SLC25A13: variants seen among roughly 807,000 people sequenced by gnomAD.
The protein encoded by SLC25A13 is electrogenic aspartate/glutamate antiporter SLC25A13, mitochondrial.
A neutral mutation model predicts 85.5 loss-of-function variants in SLC25A13; 70 were observed. That is an observed-to-expected ratio of 0.82 (90% CI 0.68 to 1.00). SLC25A13 has a LOEUF of 1.00. Among genes scored for constraint, SLC25A13 ranks in the 50% least tolerant of loss-of-function variants. SLC25A13 has a pLI of 0.00. For synonymous variants in SLC25A13, 259 were observed against 288.7 expected, an observed-to-expected ratio of 0.90 and a Z score of 1.04; for missense variants, 765 against 819.8, an observed-to-expected ratio of 0.93 and a Z score of 0.82.
intron 4 of SLC25A13, among the ~76,000 whole-genome samples, chr7:96,213,073 C>T (rs560011951): frequency 1.3e-5 from 2 of 152,250 alleles, no homozygotes; most frequent in African/African-American, 4.8e-5. Flanking sequence ...CTGGAAAACT[C>T]ACACATTTTC....
At chr7:96,286,775 C>G (rs1798906447) in intron 2 of SLC25A13, among the ~76,000 whole-genome samples, 1 of 152,182 alleles carries the variant, frequency 6.6e-6, no homozygotes, top group Admixed American at 6.5e-5. Context: ...ATTCTAAATT[C>G]TCAAACAAAT....
At chr7:96,126,283 T>C (rs1000389849) in intron 15 of SLC25A13, among the ~76,000 whole-genome samples, 5 of 152,318 alleles carry the variant, frequency 3.3e-5, no homozygotes, top group African/African-American at 1.2e-4. Context: ...GAATTTATTT[T>C]AAATCCTTAA....
intron 14 of SLC25A13, among the ~76,000 whole-genome samples, chr7:96,132,453 T>C (rs1467357185): frequency 1.3e-5 from 2 of 152,250 alleles, no homozygotes; most frequent in African/African-American, 4.8e-5. Flanking sequence ...CCAGGGTTTA[T>C]GAAACATTGA....
chr7:96,239,155 T>C lies in SLC25A13; in HGVS notation c.213-4238A>G, dbSNP rs28441595. 7.4e-3 allele frequency among the ~76,000 whole-genome samples: 1,095 copies of C among 148,726 alleles called. 14 individuals carry two copies. Among genetic ancestry groups the C allele is most frequent in the African/African-American group, 0.026 (1,044 of 40,792 alleles). On this transcript the variant is annotated intron_variant, in intron 3 of 17. Transcript: ENST00000265631. ...AATAAATACTCTGGTATTTCAGGCA[T>C]GTTACTGATACCAAAAGGTATGTAA... is the stretch of plus-strand genomic sequence containing the variant.
At chr7:96,146,510 G>A (rs1792796620) in intron 14 of SLC25A13, 46 bp downstream of exon 14, 2 of 1,592,988 alleles carry the variant, frequency 1.3e-6, no homozygotes, top group South Asian at 1.1e-5. Flanking sequence ...TGCATTAGGA[G>A]ATGAGAAAGT....
chr7:96,313,747 T>C (rs73405049), intron 1 of SLC25A13, among the ~76,000 whole-genome samples: 1 of 152,086 alleles, frequency 6.6e-6, no homozygotes. Context: ...TACATGTACC[T>C]CCGGAATCTA....
intron 1 of SLC25A13, 134 bp downstream of exon 1, chr7:96,321,808 A>C: frequency 8.5e-7 from 1 of 1,174,034 alleles, no homozygotes; most frequent in Non-Finnish European, 1.1e-6. Flanking sequence ...CAGCAGCCGC[A>C]AGGTGGAACG....
intron 1 of SLC25A13, among the ~76,000 whole-genome samples, chr7:96,299,259 C>T (rs1288156720): frequency 6.6e-6 from 1 of 152,198 alleles, no homozygotes; most frequent in African/African-American, 2.4e-5. Flanking sequence ...CCCATCAGAA[C>T]TACACCTCAA....
chr7:96,231,033 C>A (rs909532697), intron 4 of SLC25A13, among the ~76,000 whole-genome samples: 1 of 151,974 alleles, frequency 6.6e-6, no homozygotes, highest in Non-Finnish European at 1.5e-5. Context: ...ATTACTTGAG[C>A]CTGGTAAGCA....
intron 13 of SLC25A13, among the ~76,000 whole-genome samples, chr7:96,161,487 C>G (rs982363253): frequency 6.6e-6 from 1 of 152,136 alleles, no homozygotes; most frequent in Non-Finnish European, 1.5e-5. Context: ...TTTATTCATT[C>G]AACAGATTTT....
chr7:96,291,409 G>A (rs1265545521), intron 2 of SLC25A13, among the ~76,000 whole-genome samples: 2 of 152,162 alleles, frequency 1.3e-5, no homozygotes, highest in Non-Finnish European at 2.9e-5. Flanking sequence ...GCTAGCAGAA[G>A]GCAAGAAATA....
At chr7:96,219,898 T>C in intron 4 of SLC25A13, 1 of 362,142 alleles carries the variant, frequency 2.8e-6, no homozygotes, top group Non-Finnish European at 5.5e-6. Flanking sequence ...ATTAACCATC[T>C]GTCACACACA....
chr7:96,132,163 T>C (rs1584350132), intron 14 of SLC25A13, among the ~76,000 whole-genome samples: 1 of 152,234 alleles, frequency 6.6e-6, no homozygotes, highest in Admixed American at 6.5e-5. Flanking sequence ...TTTGGAACTC[T>C]GCCTGTGACA....
chr7:96,122,583 C>T lies in SLC25A13; in HGVS notation c.1592-586G>A, dbSNP rs1048774759. ...GTTGGGGGGTGGGAGGTGGAGGTTT[C>T]GGGGAGGGGGTGAAATTGGGAGAAG... is the stretch of plus-strand genomic sequence containing the variant. On this transcript the variant is annotated intron_variant, in intron 15 of 17. Transcript: ENST00000265631. 8.6e-5 allele frequency among the ~76,000 whole-genome samples: 13 copies of T among 151,886 alleles called. No individual in the cohort carries two copies. In the East Asian group the frequency reaches 9.7e-4, roughly 11 times the overall value.
At chr7:96,277,155 A>C (rs1173589489) in intron 3 of SLC25A13, 41 bp downstream of exon 3, 27 of 1,522,658 alleles carry the variant, frequency 1.8e-5, no homozygotes, top group Middle Eastern at 2.4e-4. Flanking sequence ...AAGCTGTTTC[A>C]AACAAAAAGA....
chr7:96,182,606 G>A (rs1488115952), intron 11 of SLC25A13, among the ~76,000 whole-genome samples: 1 of 152,176 alleles, frequency 6.6e-6, no homozygotes, highest in Non-Finnish European at 1.5e-5. Context: ...GGCAAGAGTG[G>A]AAGCCTCTTT....
chr7:96,281,129 A>T (rs1412722387), intron 2 of SLC25A13, among the ~76,000 whole-genome samples: 1 of 152,082 alleles, frequency 6.6e-6, no homozygotes, highest in African/African-American at 2.4e-5. Flanking sequence ...GGCATCTCAC[A>T]TCTGTAATCC....
chr7:96,276,915 T>C (rs777093656), intron 3 of SLC25A13, among the ~76,000 whole-genome samples: 4 of 152,176 alleles, frequency 2.6e-5, no homozygotes, highest in Non-Finnish European at 5.9e-5. Context: ...ATAAATACTC[T>C]CATACATCTG....
intron 13 of SLC25A13, among the ~76,000 whole-genome samples, chr7:96,150,113 T>C (rs565854819): frequency 6.6e-6 from 1 of 152,036 alleles, no homozygotes; most frequent in South Asian, 2.1e-4. Flanking sequence ...TTTCTACATG[T>C]TTCCTGGTAT....
Sources: allele counts gnomAD v4.1 joint callset (sites outside exome capture counted in the v4.1 genomes callset), GRCh38; gene constraint gnomAD v4.1.1; transcripts MANE v1.5; gene names NCBI Gene and HGNC (gene_info 2026-07-23, HGNC 2026-07-21).